Variants in GRAMD1C observed in about 807,000 individuals in gnomAD.
The protein encoded by GRAMD1C is protein Aster-C.
Under a neutral mutation model 97.8 loss-of-function variants are expected in GRAMD1C, and 89 were observed. That is an observed-to-expected ratio of 0.91 (90% CI 0.77 to 1.09). The LOEUF (loss-of-function observed/expected upper bound fraction) is 1.09. GRAMD1C is among the 50% of genes least tolerant of loss of function. The pLI, the probability that GRAMD1C is intolerant of heterozygous loss-of-function variation, is 0.00. For synonymous variants in GRAMD1C, 256 were observed against 267.0 expected (o/e 0.96, Z 0.40); for missense variants, 740 against 766.4 (o/e 0.97, Z 0.41).
chr3:113,907,678 T>G (rs1936418780), intron 8 of GRAMD1C, among the ~76,000 whole-genome samples: 1 of 152,212 alleles, frequency 6.6e-6, no homozygotes, highest in African/African-American at 2.4e-5. Flanking sequence ...GCTATAGAAT[T>G]AATACTCTTT....
upstream of GRAMD1C, among the ~76,000 whole-genome samples, chr3:113,834,713 A>G (rs1410397753): frequency 6.6e-6 from 1 of 150,682 alleles, no homozygotes; most frequent in Admixed American, 6.6e-5. Context: ...AGGAGGGTGG[A>G]TCATGAGGTC....
intron 1 of GRAMD1C, among the ~76,000 whole-genome samples, chr3:113,842,348 T>C (rs1933367959): frequency 6.6e-6 from 1 of 152,238 alleles, no homozygotes; most frequent in African/African-American, 2.4e-5. Flanking sequence ...TTAGAACCTA[T>C]GTTGTAGAGG....
chr3:113,902,520 G>A (rs565107674), intron 7 of GRAMD1C, among the ~76,000 whole-genome samples: 16 of 152,224 alleles, frequency 1.1e-4, no homozygotes, highest in African/African-American at 2.4e-4. Context: ...CAGTTTTCTC[G>A]TCTATGAAAT....
chr3:113,882,899 G>C, intron 6 of GRAMD1C, 67 bp downstream of exon 6: 1 of 716,480 alleles, frequency 1.4e-6, no homozygotes. Flanking sequence ...GAATTGAAGA[G>C]CTCCTTCTTA....
chr3:113,890,630 G>A, intron 6 of GRAMD1C: 1 of 628,514 alleles, frequency 1.6e-6, no homozygotes. Context: ...ATACTAACTT[G>A]TTGAGTGCTC....
At chr3:113,870,304 G>C (rs895009670) in intron 3 of GRAMD1C, among the ~76,000 whole-genome samples, 1 of 151,954 alleles carries the variant, frequency 6.6e-6, no homozygotes, top group Non-Finnish European at 1.5e-5. Flanking sequence ...GGAGACTGCA[G>C]TGAGCTATGG....
At chr3:113,833,120 C>CTTTTTTTTTTTTTTTTTTTTTT (rs200062835) in intron 1 of GRAMD1C, among the ~76,000 whole-genome samples, 2 of 129,474 alleles carry the variant, frequency 1.5e-5, no homozygotes, top group Non-Finnish European at 3.2e-5. Context: ...TTCTTTCTTT[C>CTTTTTTTTTTTTTTTTTTTTTT]TTTTTTTTTT....
intron 2 of GRAMD1C, among the ~76,000 whole-genome samples, chr3:113,856,002 C>G (rs972281054): frequency 1.1e-4 from 16 of 151,972 alleles, no homozygotes; most frequent in African/African-American, 3.9e-4. Flanking sequence ...GATTCTCTTG[C>G]CTCAGCCTCC....
intron 9 of GRAMD1C, among the ~76,000 whole-genome samples, chr3:113,913,896 C>T (rs2712339): frequency 0.35 from 53,083 of 151,956 alleles, 9,320 homozygotes; most frequent in Non-Finnish European, 0.37. Context: ...TCCCAGGAGA[C>T]TGGGGATGTG....
chr3:113,872,804 G>C (rs892754472), intron 3 of GRAMD1C, among the ~76,000 whole-genome samples: 1 of 150,690 alleles, frequency 6.6e-6, no homozygotes, highest in African/African-American at 2.4e-5. Flanking sequence ...GGGCATGGTG[G>C]CTCACACCTG....
chr3:113,847,888 C>A (rs1406979987), intron 2 of GRAMD1C, among the ~76,000 whole-genome samples: 3 of 152,198 alleles, frequency 2.0e-5, no homozygotes, highest in Non-Finnish European at 4.4e-5. Context: ...ATTCATAAGG[C>A]ACATGACCTG....
At chr3:113,850,907 A>G (rs984111059) in intron 2 of GRAMD1C, among the ~76,000 whole-genome samples, 15 of 149,828 alleles carry the variant, frequency 1.0e-4, no homozygotes, top group Admixed American at 2.0e-4. Context: ...GGTTCACACC[A>G]TTCTCCTGCC....
chr3:113,884,030 A>G (rs1397437199), intron 6 of GRAMD1C, among the ~76,000 whole-genome samples: 1 of 152,180 alleles, frequency 6.6e-6, no homozygotes, highest in African/African-American at 2.4e-5. Context: ...TCAATACCCA[A>G]CTTTCAATGA....
chr3:113,927,133 A>G (rs997847881), intron 10 of GRAMD1C, among the ~76,000 whole-genome samples: 22 of 151,434 alleles, frequency 1.5e-4, no homozygotes, highest in African/African-American at 4.9e-4. Context: ...TTTTGGTGTT[A>G]TGTTTTGGGC....
At chr3:113,891,015 A>G in intron 6 of GRAMD1C, 1 of 424,410 alleles carries the variant, frequency 2.4e-6, no homozygotes. Flanking sequence ...TCTGATGTAT[A>G]CACACGGAGG....
chr3:113,878,222 T>C (rs1337985949), intron 5 of GRAMD1C, among the ~76,000 whole-genome samples: 1 of 152,258 alleles, frequency 6.6e-6, no homozygotes, highest in Non-Finnish European at 1.5e-5. Context: ...ATTATTTATT[T>C]TGATGCTCAC....
rs774669797 is a variant in GRAMD1C at position 113,930,787 on chromosome 3, T to C, written c.1164T>C (p.Leu388=). The C allele has an allele frequency of 1.3e-5, 21 of 1,611,208 alleles. No individual in the cohort carries two copies. The Admixed American group carries it at 3.2e-4, about 24-fold the overall frequency. ...QLRTMTYTIV[L]NSPLTGKCTA... ...GAACGATGACCTACACTATAGTCCT[T>C]AATAGTCCACTTACTGGAAAATGCA... The change falls in exon 11 of 18, where the codon CTT becomes CTC. Residue 388 remains leucine, a synonymous_variant. Transcript: ENST00000358160.
intron 2 of GRAMD1C, among the ~76,000 whole-genome samples, chr3:113,860,085 A>C (rs1934304082): frequency 6.6e-6 from 1 of 152,070 alleles, no homozygotes; most frequent in Non-Finnish European, 1.5e-5. Flanking sequence ...TTAGTGATGC[A>C]ATCTTGACTC....
At chr3:113,921,112 G>A (rs1202940068) in intron 10 of GRAMD1C, among the ~76,000 whole-genome samples, 1 of 152,018 alleles carries the variant, frequency 6.6e-6, no homozygotes, top group African/African-American at 2.4e-5. Context: ...CCTTCTTTGC[G>A]GCCATGTGTA....
Sources: allele counts gnomAD v4.1 joint callset (sites outside exome capture counted in the v4.1 genomes callset), GRCh38; gene constraint gnomAD v4.1.1; transcripts MANE v1.5; gene names NCBI Gene and HGNC (gene_info 2026-07-23, HGNC 2026-07-21).